FANCD2: variants seen among roughly 807,000 people sequenced by gnomAD.
FANCD2 encodes the protein FA complementation group D2, also known as Fanconi anemia group D2 protein.
A neutral mutation model predicts 192.3 loss-of-function variants in FANCD2; 131 were observed. That is an observed-to-expected ratio of 0.68 (90% CI 0.59 to 0.79). The LOEUF is 0.79. Among genes scored for constraint, FANCD2 ranks in the 30% least tolerant of loss-of-function variants. The probability of loss-of-function intolerance (pLI) is 0.00; values close to 1 mark genes in which losing one functional copy is unlikely to be tolerated. For synonymous variants in FANCD2, 524 were observed against 612.5 expected, an observed-to-expected ratio of 0.86 and a Z score of 2.13; for missense variants, 1,508 against 1,701.6, an observed-to-expected ratio of 0.89 and a Z score of 2.00.
At chr3:10,048,460 C>A (rs35723639) in intron 16 of FANCD2, among the ~76,000 whole-genome samples, 1 of 149,988 alleles carries the variant, frequency 6.7e-6, no homozygotes, top group African/African-American at 2.5e-5. Flanking sequence ...CACACCACCA[C>A]GCCCGGTTAA....
chr3:10,046,438 G>A (rs1262241956), intron 14 of FANCD2, 142 bp from the exon 15 acceptor site: 11 of 1,368,742 alleles, frequency 8.0e-6, no homozygotes, highest in Admixed American at 2.2e-5. Context: ...TGTGAAAAGT[G>A]TAGATACTCC....
chr3:10,075,985 C>T (rs1575814499), intron 29 of FANCD2, among the ~76,000 whole-genome samples: 1 of 151,884 alleles, frequency 6.6e-6, no homozygotes, highest in East Asian at 1.9e-4. Context: ...CCCGCCTTGG[C>T]CTCCCAAAGT....
At chr3:10,069,567 T>G (rs1020916626) in intron 26 of FANCD2, among the ~76,000 whole-genome samples, 1 of 148,474 alleles carries the variant, frequency 6.7e-6, no homozygotes, top group Non-Finnish European at 1.5e-5. Context: ...CCCTGCCTGA[T>G]TCTCCTGCCT....
chr3:10,073,415 C>T, intron 28 of FANCD2, 53 bp downstream of exon 28: 1 of 1,288,578 alleles, frequency 7.8e-7, no homozygotes, highest in Non-Finnish European at 1.1e-6. Context: ...GTGAGATTAA[C>T]AGAAACCCAG....
In FANCD2 at chr3:10,032,086, C is replaced by G. The variant is rs1019261773; in HGVS notation, c.65-746C>G. ...TCTTGAACTCCTGACCTCAGGTAAT[C>G]AGCCTGCCTCGGCCTCCCAAAGTGC... On this transcript the variant is annotated intron_variant, in intron 2 of 43. Transcript: ENST00000675286. 9.2e-5 allele frequency among the ~76,000 whole-genome samples: 14 copies of G among 152,246 alleles called. No individual in the cohort carries two copies. The East Asian group carries it at 2.3e-3, about 25-fold the overall frequency.
chr3:10,053,277 AAC>A (rs2087271882), intron 18 of FANCD2, among the ~76,000 whole-genome samples: 1 of 151,652 alleles, frequency 6.6e-6, no homozygotes, highest in Non-Finnish European at 1.5e-5. Context: ...CTATCGCAAG[AAC>A]AAAAAACCGC....
chr3:10,092,347 C>G (rs1694669367), intron 38 of FANCD2, 95 bp downstream of exon 38: 5 of 943,036 alleles, frequency 5.3e-6, no homozygotes, highest in Non-Finnish European at 8.7e-6. Context: ...CCTCTTCCCA[C>G]TCTTCCTTGG....
intron 9 of FANCD2, chr3:10,040,503 G>A (rs538750634): frequency 3.5e-5 from 16 of 456,638 alleles, no homozygotes; most frequent in African/African-American, 3.0e-4. Flanking sequence ...CATTTGTGGA[G>A]CCTATTAAAC....
At chr3:10,051,685 G>A (rs1360151713) in intron 17 of FANCD2, among the ~76,000 whole-genome samples, 1 of 152,166 alleles carries the variant, frequency 6.6e-6, no homozygotes, top group Non-Finnish European at 1.5e-5. Context: ...GTTTGAGATT[G>A]CTTGTAGGCT....
At chr3:10,095,994 A>G (rs935772563) in intron 41 of FANCD2, among the ~76,000 whole-genome samples, 6 of 149,944 alleles carry the variant, frequency 4.0e-5, no homozygotes, top group African/African-American at 1.5e-4. Context: ...GTGAATGTTT[A>G]AGGAATTCTC....
chr3:10,037,047 G>A (rs981728010), intron 7 of FANCD2, among the ~76,000 whole-genome samples: 2 of 150,412 alleles, frequency 1.3e-5, no homozygotes, highest in African/African-American at 4.9e-5. Context: ...GTTTCGCCAT[G>A]TTGCCCAGGC....
At chr3:10,045,147 T>C (rs2086968073) in intron 14 of FANCD2, among the ~76,000 whole-genome samples, 1 of 142,844 alleles carries the variant, frequency 7.0e-6, no homozygotes, top group Middle Eastern at 3.4e-3. Flanking sequence ...GCCCAATGTT[T>C]TCTCTTTTTT....
chr3:10,090,224 TG>T, intron 36 of FANCD2, 67 bp from the exon 37 acceptor site: 1 of 1,203,682 alleles, frequency 8.3e-7, no homozygotes, highest in South Asian at 1.2e-5. Context: ...TTTTGGTTCC[TG>T]GTTCTTCCCA....
At chr3:10,027,136 T>C (rs996583011) in intron 1 of FANCD2, among the ~76,000 whole-genome samples, 13 of 152,236 alleles carry the variant, frequency 8.5e-5, no homozygotes, top group African/African-American at 3.1e-4. Context: ...TTTTTCACTC[T>C]GAATATTCTC....
In FANCD2 at chr3:10,036,086, C is replaced by CTTTTTTTTTTTTTTTTTT. The variant is rs532765216; in HGVS notation, c.439-199_439-182dup. Among the ~76,000 whole-genome samples, 438 of 102,528 alleles carry CTTTTTTTTTTTTTTTTTT rather than the reference C, an allele frequency of 4.3e-3. 45 individuals carry two copies. Among genetic ancestry groups the CTTTTTTTTTTTTTTTTTT allele is most frequent in the African/African-American group, 0.017 (403 of 23,946 alleles). 67.3% of individuals were successfully genotyped at this position (102,528 alleles called of 152,430 possible). On this transcript the variant is annotated intron_variant, in intron 6 of 43. Transcript: ENST00000675286. ...TAGTTGGAAAGAGAATTATACATTT[C>CTTTTTTTTTTTTTTTTTT]TTTTTTTTTTTTTTTTTTTGAGTCA...
In FANCD2 at chr3:10,039,735, GATCA is replaced by G; in HGVS notation, c.586_589del (p.Ile196CysfsTer3). ...TTCTACTGCAGGACCTCACCACCAA[GATCA>G]TGCAGCTGATCAGTATTGCTCCAGA... On this transcript the variant is annotated frameshift_variant, in exon 9 of 44. Coordinates refer to ENST00000675286, the MANE Select transcript of FANCD2 (RefSeq NM_001018115.3). LOFTEE classifies it high-confidence loss of function. 1 of 1,614,092 alleles carries G rather than the reference GATCA, an allele frequency of 6.2e-7. No homozygotes were observed. The highest frequency in any genetic ancestry group is 8.5e-7 in the Non-Finnish European group (1 of 1,180,014).
intron 14 of FANCD2, among the ~76,000 whole-genome samples, chr3:10,046,123 G>C (rs908471769): frequency 6.9e-6 from 1 of 144,980 alleles, no homozygotes; most frequent in Non-Finnish European, 1.5e-5. Context: ...GCGCGATCTC[G>C]GCTCACTGTA....
At chr3:10,101,117 A>C in intron 43 of FANCD2, 71 bp from the exon 44 acceptor site, 2 of 1,131,672 alleles carry the variant, frequency 1.8e-6, no homozygotes, top group Non-Finnish European at 2.7e-6. Flanking sequence ...TGTATCCTCT[A>C]GGAGCTGTAT....
intron 41 of FANCD2, among the ~76,000 whole-genome samples, chr3:10,095,912 C>T (rs561448636): frequency 3.5e-5 from 5 of 141,356 alleles, no homozygotes; most frequent in East Asian, 2.0e-4. Flanking sequence ...GACGGAGTCT[C>T]GCTTTGTAGC....
Sources: allele counts gnomAD v4.1 joint callset (sites outside exome capture counted in the v4.1 genomes callset), GRCh38; gene constraint gnomAD v4.1.1; transcripts MANE v1.5; gene names NCBI Gene and HGNC (gene_info 2026-07-23, HGNC 2026-07-21).